The following TASP1 variants were observed in gnomAD, a reference collection of about 807,000 sequenced individuals.
TASP1 encodes the protein threonine aspartase 1.
Under a neutral mutation model 56.6 loss-of-function variants are expected in TASP1, and 16 were observed. That is an observed-to-expected ratio of 0.28 (90% CI 0.19 to 0.43). The LOEUF (loss-of-function observed/expected upper bound fraction) is 0.43, where lower values mean the gene tolerates loss of function less well. Among genes scored for constraint, TASP1 ranks in the 20% least tolerant of loss-of-function variants. TASP1 has a pLI of 1.00. For synonymous variants in TASP1, 179 were observed against 184.2 expected (o/e 0.97, Z 0.23); for missense variants, 393 against 511.6 (o/e 0.77, Z 2.24).
chr20:13,353,319 C>T, the TASP1 span, among the ~76,000 whole-genome samples: 19 of 151,584 alleles, frequency 1.3e-4, no homozygotes, highest in African/African-American at 4.6e-4. Flanking sequence ...ATCTCCCAGT[C>T]ATTTGAGTAT....
intron 11 of TASP1, among the ~76,000 whole-genome samples, chr20:13,438,167 A>G (rs1295423964): frequency 2.0e-5 from 3 of 152,176 alleles, no homozygotes. Context: ...TAAAGTTCAT[A>G]TGGAACCAAA....
chr20:13,524,381 T>A (rs2044890105), intron 10 of TASP1, among the ~76,000 whole-genome samples: 1 of 152,154 alleles, frequency 6.6e-6, no homozygotes, highest in African/African-American at 2.4e-5. Flanking sequence ...ATGTGGCAAA[T>A]TGAATTATAT....
chr20:13,472,026 A>G (rs569016499), intron 11 of TASP1, among the ~76,000 whole-genome samples: 2 of 152,152 alleles, frequency 1.3e-5, no homozygotes, highest in East Asian at 3.9e-4. Context: ...AAGAGCCTGC[A>G]TTGCCAAGAC....
chr20:13,373,414 G>T, the TASP1 span, among the ~76,000 whole-genome samples: 1 of 147,248 alleles, frequency 6.8e-6, no homozygotes, highest in Non-Finnish European at 1.5e-5. Flanking sequence ...ATTTCCTTTA[G>T]TATTTATGAT....
At chr20:13,290,967 C>A in the TASP1 span, among the ~76,000 whole-genome samples, 1 of 152,206 alleles carries the variant, frequency 6.6e-6, no homozygotes, top group Admixed American at 6.5e-5. Context: ...TCATTAAACT[C>A]TTTGGTCTTT....
chr20:13,130,231 G>A, the TASP1 span, among the ~76,000 whole-genome samples: 1 of 152,304 alleles, frequency 6.6e-6, no homozygotes, highest in South Asian at 2.1e-4. Flanking sequence ...ACCCCTTTCT[G>A]CAGAGATAGA....
intron 2 of TASP1, among the ~76,000 whole-genome samples, chr20:13,628,068 A>G (rs1335808444): frequency 6.6e-6 from 1 of 152,146 alleles, no homozygotes. Context: ...TGGAACACAG[A>G]CCCCATTTGT....
the TASP1 span, among the ~76,000 whole-genome samples, chr20:13,184,383 G>C: frequency 1.3e-5 from 2 of 152,106 alleles, no homozygotes; most frequent in Non-Finnish European, 2.9e-5. Flanking sequence ...TTTTAATATT[G>C]CTTATCAGTA....
At chr20:13,611,078 T>C (rs1413208930) in intron 4 of TASP1, among the ~76,000 whole-genome samples, 1 of 152,124 alleles carries the variant, frequency 6.6e-6, no homozygotes, top group African/African-American at 2.4e-5. Flanking sequence ...CAATGGTAAA[T>C]AGACATAGAA....
At chr20:13,342,422 A>G in the TASP1 span, among the ~76,000 whole-genome samples, 2,713 of 152,324 alleles carry the variant, frequency 0.018, 75 homozygotes, top group African/African-American at 0.062. Context: ...AAGAAATGCA[A>G]TGTAGTCAGA....
chr20:13,269,086 T>A, the TASP1 span, among the ~76,000 whole-genome samples: 1 of 152,290 alleles, frequency 6.6e-6, no homozygotes, highest in South Asian at 2.1e-4. Flanking sequence ...TCAGAGGCAC[T>A]GTGGTGGGGG....
chr20:13,135,614 C>T, the TASP1 span, among the ~76,000 whole-genome samples: 170 of 152,266 alleles, frequency 1.1e-3, 2 homozygotes, highest in South Asian at 6.6e-3. Flanking sequence ...TTTAGATCTA[C>T]GGGCCCACTT....
At chr20:13,427,164 T>C (rs568749237) in intron 12 of TASP1, among the ~76,000 whole-genome samples, 22 of 152,336 alleles carry the variant, frequency 1.4e-4, no homozygotes, top group African/African-American at 4.8e-4. Flanking sequence ...TGTGTTTATA[T>C]GTGCTCGCCA....
At chr20:13,557,152 T>G (rs1051210696) in intron 8 of TASP1, among the ~76,000 whole-genome samples, 3 of 152,232 alleles carry the variant, frequency 2.0e-5, no homozygotes, top group African/African-American at 7.2e-5. Context: ...AAGAATGGTA[T>G]GAGAATTTCA....
chr20:13,534,382 A>T (rs1437055288), intron 8 of TASP1, among the ~76,000 whole-genome samples: 1 of 151,952 alleles, frequency 6.6e-6, no homozygotes, highest in African/African-American at 2.4e-5. Context: ...TTTCTCTAAT[A>T]ATAAGGCTAT....
chr20:13,446,556 T>G (rs565596532), intron 11 of TASP1, among the ~76,000 whole-genome samples: 1 of 152,130 alleles, frequency 6.6e-6, no homozygotes, highest in South Asian at 2.1e-4. Context: ...CCAAGGCCTA[T>G]TCTATAGATG....
At chr20:13,301,588 T>G in the TASP1 span, among the ~76,000 whole-genome samples, 1 of 152,336 alleles carries the variant, frequency 6.6e-6, no homozygotes, top group Non-Finnish European at 1.5e-5. Flanking sequence ...ATGAGAAGAC[T>G]TATTCACATC....
chr20:13,599,528 G>A (rs1265067045), intron 4 of TASP1, among the ~76,000 whole-genome samples: 2 of 152,150 alleles, frequency 1.3e-5, no homozygotes, highest in African/African-American at 4.8e-5. Flanking sequence ...GGCCTGTCAG[G>A]CGGTGGGGGG....
At chr20:13,247,170 T>C in the TASP1 span, among the ~76,000 whole-genome samples, 7 of 151,900 alleles carry the variant, frequency 4.6e-5, no homozygotes, top group African/African-American at 1.7e-4. Context: ...GGCAGAGGTT[T>C]CAGTGAGCCG....
Sources: gnomAD v4.1 joint callset for allele counts (sites outside exome capture counted in the v4.1 genomes callset) on GRCh38, gnomAD v4.1.1 for gene constraint, MANE v1.5 for transcripts, NCBI Gene and HGNC (gene_info 2026-07-23, HGNC 2026-07-21) for gene names.